The following IL7 variants were observed in gnomAD, a reference collection of about 807,000 sequenced individuals.
The protein encoded by IL7 is interleukin-7.
A neutral mutation model predicts 21.6 loss-of-function variants in IL7; 3 were observed. The observed-to-expected ratio is 0.14, with a 90% CI of 0.06 to 0.36. IL7 has a LOEUF of 0.36. Ranked by LOEUF, IL7 falls within the 10% of genes least tolerant of loss-of-function variation. The probability of loss-of-function intolerance (pLI) is 1.00; values close to 1 mark genes in which losing one functional copy is unlikely to be tolerated. For synonymous variants in IL7, 62 were observed against 68.1 expected (o/e 0.91, Z 0.44); for missense variants, 175 against 200.2 (o/e 0.87, Z 0.76).
At chr8:78,757,600 A>C (rs997148997) in intron 2 of IL7, among the ~76,000 whole-genome samples, 1 of 151,954 alleles carries the variant, frequency 6.6e-6, no homozygotes, top group Non-Finnish European at 1.5e-5. Context: ...TACAATTGTT[A>C]TATCCTGTTA....
intron 2 of IL7, among the ~76,000 whole-genome samples, chr8:78,790,080 A>G (rs1813635554): frequency 6.7e-6 from 1 of 149,450 alleles, no homozygotes; most frequent in African/African-American, 2.6e-5. Flanking sequence ...TCTGGAATAG[A>G]GTCACAGTTA....
intron 3 of IL7, among the ~76,000 whole-genome samples, chr8:78,696,890 C>T (rs1395592334): frequency 4.6e-5 from 7 of 152,136 alleles, no homozygotes; most frequent in African/African-American, 1.7e-4. Flanking sequence ...TGCACCATAG[C>T]TGTTTCTAAG....
chr8:78,729,978 CTGGGAAAGCA>C (rs1811397163), downstream of IL7, among the ~76,000 whole-genome samples: 2 of 151,830 alleles, frequency 1.3e-5, no homozygotes, highest in Non-Finnish European at 2.9e-5. Flanking sequence ...TCAGTTCCAC[CTGGGAAAGCA>C]TGGGAAAGCT....
chr8:78,754,643 T>C (rs895965198), intron 2 of IL7, among the ~76,000 whole-genome samples: 9 of 152,204 alleles, frequency 5.9e-5, no homozygotes. Flanking sequence ...CAAACTATGC[T>C]ACAAGGCTTT....
intron 3 of IL7, among the ~76,000 whole-genome samples, chr8:78,726,321 T>C (rs773548338): frequency 6.6e-6 from 1 of 151,870 alleles, no homozygotes; most frequent in Non-Finnish European, 1.5e-5. Flanking sequence ...GAGGAAAGAG[T>C]ATTTCATGAA....
At chr8:78,794,625 CTAG>C in intron 2 of IL7, among the ~76,000 whole-genome samples, 1 of 152,170 alleles carries the variant, frequency 6.6e-6, no homozygotes, top group South Asian at 2.1e-4. Flanking sequence ...ATCATCTTAG[CTAG>C]ACCTTCTGGA....
At chr8:78,683,374 C>T (rs980206951) in intron 4 of IL7, among the ~76,000 whole-genome samples, 14 of 152,236 alleles carry the variant, frequency 9.2e-5, no homozygotes, top group African/African-American at 3.4e-4. Context: ...GTCAGAGGCT[C>T]CCAAACCTCA....
chr8:78,722,771 A>AAT (rs1159699349), intron 3 of IL7, among the ~76,000 whole-genome samples: 1 of 151,966 alleles, frequency 6.6e-6, no homozygotes, highest in Non-Finnish European at 1.5e-5. Flanking sequence ...CACCAAAAGT[A>AAT]ATATATATAC....
At chr8:78,764,569 G>T (rs916164042) in intron 2 of IL7, among the ~76,000 whole-genome samples, 1 of 151,772 alleles carries the variant, frequency 6.6e-6, no homozygotes, top group African/African-American at 2.4e-5. Context: ...AAAACCCATT[G>T]CCACTTTATG....
chr8:78,686,425 CTGTT>C (rs747014742), intron 3 of IL7: 8 of 1,162,216 alleles, frequency 6.9e-6, no homozygotes, highest in Non-Finnish European at 8.8e-6. Flanking sequence ...TAAAAAGATA[CTGTT>C]TGTTTATTTA....
intron 2 of IL7, among the ~76,000 whole-genome samples, chr8:78,781,410 T>A (rs1213410611): frequency 6.6e-6 from 1 of 152,182 alleles, no homozygotes; most frequent in Non-Finnish European, 1.5e-5. Flanking sequence ...ATGGCAGGCC[T>A]GGTGATGACA....
At chr8:78,714,150 G>A (rs1811027725), downstream of IL7, among the ~76,000 whole-genome samples, 1 of 152,116 alleles carries the variant, frequency 6.6e-6, no homozygotes, top group African/African-American at 2.4e-5. Flanking sequence ...AAGCTCTATA[G>A]AGAGGGAGGG....
At position 78,688,425 on chromosome 8, in the gene IL7, G is replaced by A. The variant is rs539092892; in HGVS notation, n.215-2478C>T. ...TAAGGAGGACAAATTTTTGAGCTCA[G>A]ATGAATATAAATTGAAAAGGGCAAA... On this transcript the variant is annotated intron_variant and non_coding_transcript_variant, in intron 3 of 4. Transcript: ENST00000523959. Among the ~76,000 whole-genome samples the A allele has an allele frequency of 1.4e-3, 213 of 152,170 alleles. 1 individual carries two copies. The highest frequency in any genetic ancestry group is 5.0e-3 in the African/African-American group (207 of 41,534).
intron 2 of IL7, among the ~76,000 whole-genome samples, chr8:78,787,511 C>G (rs1813551645): frequency 6.6e-6 from 1 of 152,152 alleles, no homozygotes; most frequent in Non-Finnish European, 1.5e-5. Context: ...TCTGTCCCCA[C>G]ACATGCATAG....
intron 2 of IL7, among the ~76,000 whole-genome samples, chr8:78,768,394 A>G (rs995619828): frequency 2.7e-5 from 4 of 149,860 alleles, no homozygotes; most frequent in African/African-American, 9.8e-5. Flanking sequence ...CCAACAGTGT[A>G]AAAGTGTTCC....
intron 3 of IL7, among the ~76,000 whole-genome samples, chr8:78,727,330 C>A (rs1030020337): frequency 2.0e-5 from 3 of 152,012 alleles, no homozygotes; most frequent in African/African-American, 7.2e-5. Context: ...ATTAGCCAGC[C>A]TGTTAATTAG....
intron 1 of IL7, among the ~76,000 whole-genome samples, chr8:78,798,494 G>T (rs1202943592): frequency 1.3e-5 from 2 of 152,038 alleles, no homozygotes. Flanking sequence ...ACTCCAGGGT[G>T]TTAATCAATT....
intron 2 of IL7, among the ~76,000 whole-genome samples, chr8:78,742,221 G>A (rs1811810429): frequency 6.6e-6 from 1 of 152,034 alleles, no homozygotes; most frequent in Admixed American, 6.6e-5. Flanking sequence ...CTGCTTGGGA[G>A]GCTGAGGCAG....
intron 6 of IL7, chr8:78,718,860 T>C (rs892883102): frequency 6.6e-5 from 10 of 151,676 alleles, no homozygotes; most frequent in African/African-American, 2.2e-4. Flanking sequence ...ATCTCTTATA[T>C]AATTCCTAGC....
Sources: allele counts gnomAD v4.1 joint callset (sites outside exome capture counted in the v4.1 genomes callset), GRCh38; gene constraint gnomAD v4.1.1; transcripts MANE v1.5; gene names NCBI Gene and HGNC (gene_info 2026-07-23, HGNC 2026-07-21).